Variants in NIPSNAP3B observed in about 807,000 individuals in gnomAD.
NIPSNAP3B encodes protein NipSnap homolog 3B.
A neutral mutation model predicts 31.5 loss-of-function variants in NIPSNAP3B; 30 were observed. The observed-to-expected ratio is 0.95, with a 90% CI of 0.71 to 1.29. NIPSNAP3B has a LOEUF of 1.29. Among genes scored for constraint, NIPSNAP3B ranks in the 50% most tolerant of loss-of-function variants. The pLI is 0.00. For synonymous variants in NIPSNAP3B, 106 were observed against 107.9 expected, an observed-to-expected ratio of 0.98 and a Z score of 0.11; for missense variants, 269 against 300.7, an observed-to-expected ratio of 0.89 and a Z score of 0.78.
the NIPSNAP3B span, among the ~76,000 whole-genome samples, chr9:104,787,629 A>G: frequency 1.3e-5 from 2 of 152,228 alleles, no homozygotes; most frequent in Non-Finnish European, 2.9e-5. Context: ...AATGAACACA[A>G]AGATGATTAG....
chr9:104,778,637 T>C (rs1828384724), downstream of NIPSNAP3B, among the ~76,000 whole-genome samples: 1 of 152,158 alleles, frequency 6.6e-6, no homozygotes, highest in African/African-American at 2.4e-5. Flanking sequence ...AAACTAGAAG[T>C]CACCTTGCTA....
intron 1 of NIPSNAP3B, among the ~76,000 whole-genome samples, chr9:104,765,336 A>C (rs1009207042): frequency 2.0e-5 from 3 of 152,222 alleles, no homozygotes; most frequent in African/African-American, 7.2e-5. Context: ...GGAAATTGTC[A>C]CATGCTAACC....
At chr9:104,772,792 T>G (rs945639290) in intron 4 of NIPSNAP3B, 30 bp from the exon 5 acceptor site, 2 of 1,600,540 alleles carry the variant, frequency 1.2e-6, no homozygotes, top group East Asian at 4.5e-5. Context: ...GCCATATATT[T>G]CAGAAACTAC....
At chr9:104,784,365 C>A in the NIPSNAP3B span, 1 of 1,614,130 alleles carries the variant, frequency 6.2e-7, no homozygotes, top group East Asian at 2.2e-5. Context: ...GATGTGAGAA[C>A]TGCAACGTCC....
intron 2 of NIPSNAP3B, 97 bp downstream of exon 2, chr9:104,766,632 T>G: frequency 8.3e-7 from 1 of 1,199,156 alleles, no homozygotes; most frequent in Non-Finnish European, 1.2e-6. Flanking sequence ...CATAGATACA[T>G]ACAGGTTAAG....
chr9:104,787,838 G>C, the NIPSNAP3B span: 2 of 1,613,450 alleles, frequency 1.2e-6, no homozygotes, highest in Non-Finnish European at 1.7e-6. Flanking sequence ...TCATACAACA[G>C]CCCTGGACAT....
chr9:104,768,978 T>C lies in NIPSNAP3B; in HGVS notation c.387T>C (p.Thr129=). The C allele has an allele frequency of 6.2e-7, 1 of 1,613,948 alleles. No homozygotes were observed. The change falls in exon 3 of 6, where the codon ACT becomes ACC. Residue 129 remains threonine (T), a synonymous_variant. Coordinates refer to ENST00000374762, the MANE Select transcript of NIPSNAP3B (RefSeq NM_018376.4). ...ARIDKQETEI[T]YLIPWSKLEK... is the part of the protein sequence containing the mutation. ...TTGATAAACAAGAGACGGAAATTAC[T>C]TACCTGATACCATGGTCCAAATTAG...
Position 104,776,909 on chromosome 9 carries a change from C to T in NIPSNAP3B, c.*3836C>T, listed in dbSNP as rs374188573. 1.3e-5 allele frequency among the ~76,000 whole-genome samples: 2 copies of T among 152,188 alleles called. No homozygotes were observed. Among genetic ancestry groups the T allele is most frequent in the African/African-American group, 2.4e-5 (1 of 41,440 alleles). ...AGTCTGAAAAAAGAAGTACATCATT[C>T]CTTCACATGTCATTTTGAGCCACTG... On this transcript the variant is annotated 3_prime_UTR_variant, in exon 6 of 6. Coordinates refer to ENST00000374762, the MANE Select transcript of NIPSNAP3B (RefSeq NM_018376.4).
At chr9:104,790,883 A>C in the NIPSNAP3B span, 18 of 1,356,804 alleles carry the variant, frequency 1.3e-5, no homozygotes, top group Non-Finnish European at 1.9e-5. Flanking sequence ...ATTAAAAACA[A>C]AGTCTTTGCA....
At chr9:104,784,819 T>C in the NIPSNAP3B span, among the ~76,000 whole-genome samples, 1 of 152,154 alleles carries the variant, frequency 6.6e-6, no homozygotes, top group Non-Finnish European at 1.5e-5. Flanking sequence ...AATTTTTGTA[T>C]TTTTAGTAGA....
At chr9:104,764,994 T>C (rs568024703) in intron 1 of NIPSNAP3B, among the ~76,000 whole-genome samples, 3 of 152,312 alleles carry the variant, frequency 2.0e-5, no homozygotes, top group Admixed American at 6.5e-5. Flanking sequence ...CATTGGCCCA[T>C]TTTCCGAGAT....
At chr9:104,764,396 A>G in intron 1 of NIPSNAP3B, 96 bp downstream of exon 1, 1 of 1,121,910 alleles carries the variant, frequency 8.9e-7, no homozygotes, top group Non-Finnish European at 1.2e-6. Context: ...AGGCGCTCCC[A>G]GACCTGGGGC....
rs907443601 is a variant in NIPSNAP3B, at chr9:104,774,961, A to G, written c.*1888A>G. Among the ~76,000 whole-genome samples, 1 of 152,170 alleles carries G rather than the reference A, an allele frequency of 6.6e-6. No individual in the cohort carries two copies. Among genetic ancestry groups the G allele is most frequent in the Non-Finnish European group, 1.5e-5 (1 of 68,034 alleles). On this transcript the variant is annotated 3_prime_UTR_variant, in exon 6 of 6. Coordinates refer to ENST00000374762, the MANE Select transcript of NIPSNAP3B (RefSeq NM_018376.4). ...GAAAATAACAATCAGAAGAGTCTTC[A>G]TAAGTTCCCACCCCGTCTGCCCGCT... is the stretch of plus-strand genomic sequence containing the variant.
intron 3 of NIPSNAP3B, among the ~76,000 whole-genome samples, chr9:104,769,258 C>T (rs1828156817): frequency 6.6e-6 from 1 of 151,794 alleles, no homozygotes; most frequent in Non-Finnish European, 1.5e-5. Context: ...ATTCAAGATC[C>T]GCCTGGTCAA....
intron 2 of NIPSNAP3B, among the ~76,000 whole-genome samples, chr9:104,768,135 A>C (rs1828127880): frequency 6.6e-6 from 1 of 152,188 alleles, no homozygotes; most frequent in African/African-American, 2.4e-5. Flanking sequence ...TTGAATCCAC[A>C]GATGCAGAAC....
chr9:104,765,836 T>G (rs764722850), intron 1 of NIPSNAP3B, among the ~76,000 whole-genome samples: 1 of 152,176 alleles, frequency 6.6e-6, no homozygotes, highest in Non-Finnish European at 1.5e-5. Flanking sequence ...GCCCTTCCTG[T>G]TTTTTTAGGA....
At chr9:104,784,832 C>T in the NIPSNAP3B span, among the ~76,000 whole-genome samples, 1,853 of 152,166 alleles carry the variant, frequency 0.012, 36 homozygotes, top group African/African-American at 0.042. Context: ...TTAGTAGAGA[C>T]GGGGTTTCAC....
chr9:104,784,292 C>T, the NIPSNAP3B span: 4 of 1,613,760 alleles, frequency 2.5e-6, no homozygotes, highest in African/African-American at 5.3e-5. Flanking sequence ...TTACTTTCAG[C>T]CACCCCGTAT....
At position 104,764,267 on chromosome 9, in the gene NIPSNAP3B, C is replaced by A; in HGVS notation, c.27C>A (p.Thr9=). 5.6e-6 allele frequency: 9 copies of A among 1,599,274 alleles called. No individual in the cohort carries two copies. The highest frequency in any genetic ancestry group is 7.7e-6 in the Non-Finnish European group (9 of 1,174,908). Residue 9 remains threonine (T), a synonymous_variant, in exon 1 of 6, where the codon ACC becomes ACA. Transcript: ENST00000374762. The stretch of plus-strand genomic sequence containing the variant: ...TGCTCGTTCTCAGAAGCGGCCTGAC[C>A]AAGGCGCTTGCCTCACGGACGCTCG... MLVLRSGL[T]KALASRTLAP... is the part of the protein sequence containing the mutation.
Sources: gnomAD v4.1 joint callset for allele counts (sites outside exome capture counted in the v4.1 genomes callset) on GRCh38, gnomAD v4.1.1 for gene constraint, MANE v1.5 for transcripts, NCBI Gene and HGNC (gene_info 2026-07-23, HGNC 2026-07-21) for gene names.